Variants in MYOF observed in about 807,000 individuals in gnomAD.
MYOF encodes the protein myoferlin.
Under a neutral mutation model 284.2 loss-of-function variants are expected in MYOF, and 244 were observed. The observed-to-expected ratio is 0.86, with a 90% confidence interval of 0.77 to 0.95. MYOF has a LOEUF of 0.95. MYOF is among the 40% of genes least tolerant of loss of function. The pLI is 0.00. For missense variants in MYOF, 2,496 were observed against 2,560.6 expected, an observed-to-expected ratio of 0.97 and a Z score of 0.54; for synonymous variants, 904 against 919.7, an observed-to-expected ratio of 0.98 and a Z score of 0.31.
At chr10:93,352,331 T>A (rs1282568182) in intron 32 of MYOF, among the ~76,000 whole-genome samples, 1 of 152,238 alleles carries the variant, frequency 6.6e-6, no homozygotes, top group Non-Finnish European at 1.5e-5. Flanking sequence ...ACAGAGCCTG[T>A]CCTATAGGAA....
chr10:93,382,505 A>G (rs1846172935), intron 19 of MYOF, among the ~76,000 whole-genome samples: 1 of 152,220 alleles, frequency 6.6e-6, no homozygotes, highest in Admixed American at 6.5e-5. Flanking sequence ...GGGAAATTAA[A>G]CCTTCCTTTT....
chr10:93,355,663 C>G lies in MYOF; in HGVS notation c.3368G>C (p.Gly1123Ala). The G allele has an allele frequency of 6.2e-7, 1 of 1,612,354 alleles. No homozygotes were observed. Among genetic ancestry groups the G allele is most frequent in the Non-Finnish European group, 8.5e-7 (1 of 1,178,820 alleles). Residue 1123 changes from glycine to alanine, a missense_variant, in exon 31 of 54, where the codon GGA becomes GCA. Transcript: ENST00000359263. ...GCAGGAAACAATGGGGGTGTTTGCTCCGAACACAGTGGTGGCACTGTGCTT... is the reference window on the plus strand; with the variant it reads ...GCAGGAAACAATGGGGGTGTTTGCTGCGAACACAGTGGTGGCACTGTGCTT... ...KQKHSATTVF[G>A]ANTPIVSCNF... is the part of the protein sequence containing the mutation.
At chr10:93,416,404 A>T (rs1040622361) in intron 5 of MYOF, among the ~76,000 whole-genome samples, 3 of 151,836 alleles carry the variant, frequency 2.0e-5, no homozygotes, top group African/African-American at 7.3e-5. Context: ...GGCGCCTGTA[A>T]TCCCAGCTAC....
In MYOF at chr10:93,335,979, T is replaced by C. The variant is rs1843586045; in HGVS notation, c.4505A>G (p.Lys1502Arg). Residue 1502 changes from lysine to arginine, a missense_variant, in exon 41 of 54, where the codon AAG becomes AGG. Physicochemically the swap from Lys to Arg is conservative, Grantham distance 26 (BLOSUM62 2). Coordinates refer to ENST00000359263, the MANE Select transcript of MYOF (RefSeq NM_013451.4). ...TTCATCCGACTTGCCTCGGTACAACTTGAACGTATCTGAGAAGTCTGTCAG... is the reference window on the plus strand; with the variant it reads ...TTCATCCGACTTGCCTCGGTACAACCTGAACGTATCTGAGAAGTCTGTCAG... The part of the protein sequence containing the change: ...EGLTDFSDTF[K>R]LYRGKSDENE... The C allele has an allele frequency of 6.2e-7, 1 of 1,614,072 alleles. No homozygotes were observed. The highest frequency in any genetic ancestry group is 8.5e-7 in the Non-Finnish European group (1 of 1,180,032).
At chr10:93,319,830 A>T in intron 49 of MYOF, 42 bp downstream of exon 49, 1 of 1,612,826 alleles carries the variant, frequency 6.2e-7, no homozygotes, top group Non-Finnish European at 8.5e-7. Flanking sequence ...GTTAAGGAAG[A>T]TCCATGATAC....
chr10:93,333,669 AC>A (rs1843452021), intron 42 of MYOF, 88 bp downstream of exon 42: 1 of 1,505,992 alleles, frequency 6.6e-7, no homozygotes. Flanking sequence ...GAGATAACAG[AC>A]GCCCAGAAAG....
At chr10:93,385,077 T>C (rs996434566) in intron 19 of MYOF, among the ~76,000 whole-genome samples, 5 of 152,162 alleles carry the variant, frequency 3.3e-5, no homozygotes, top group Non-Finnish European at 5.9e-5. Flanking sequence ...GGAGAGAGAA[T>C]GCAAGTGCAT....
At chr10:93,313,900 C>CA (rs1205552378) in intron 50 of MYOF, among the ~76,000 whole-genome samples, 45 of 151,228 alleles carry the variant, frequency 3.0e-4, no homozygotes, top group Admixed American at 7.3e-4. Context: ...GATTCTGTCT[C>CA]AAAAAAAACA....
intron 1 of MYOF, among the ~76,000 whole-genome samples, chr10:93,471,433 A>G (rs1183663391): frequency 6.6e-6 from 1 of 151,990 alleles, no homozygotes; most frequent in Non-Finnish European, 1.5e-5. Flanking sequence ...GGAACTGTTT[A>G]TGTGAGTTGG....
chr10:93,307,197 C>T lies in MYOF; in HGVS notation c.6148-196G>A, dbSNP rs955159664. Among the ~76,000 whole-genome samples the T allele has an allele frequency of 2.1e-3, 109 of 51,744 alleles. 1 individual carries two copies. The highest frequency in any genetic ancestry group is 6.2e-3 in the African/African-American group (105 of 16,918). 33.9% of individuals were successfully genotyped at this position (51,744 alleles called of 152,430 possible). A position where few individuals can be genotyped will look rare whatever the true frequency, so the allele number is the denominator to read the frequency against. ...ACCGAGTGCCAGTAGCACCCCCCCG[C>T]CAAGTTGTTGCAACCAAAATGTCTC... On this transcript the variant is annotated intron_variant, in intron 53 of 53. Coordinates refer to ENST00000359263, the MANE Select transcript of MYOF (RefSeq NM_013451.4).
At chr10:93,414,231 C>T (rs932263275) in intron 5 of MYOF, among the ~76,000 whole-genome samples, 3 of 151,996 alleles carry the variant, frequency 2.0e-5, no homozygotes, top group Admixed American at 6.6e-5. Context: ...TCTGTGTCCT[C>T]CCGTCTTCTC....
At chr10:93,363,507 A>G (rs1170250302) in intron 27 of MYOF, among the ~76,000 whole-genome samples, 4 of 152,146 alleles carry the variant, frequency 2.6e-5, no homozygotes, top group African/African-American at 9.7e-5. Flanking sequence ...CTCTACAAAA[A>G]AATAAAAAAT....
intron 1 of MYOF, among the ~76,000 whole-genome samples, chr10:93,465,470 TA>T: frequency 6.6e-6 from 1 of 152,126 alleles, no homozygotes; most frequent in East Asian, 1.9e-4. Context: ...CAGTAAGCAC[TA>T]AACAAATGAG....
chr10:93,454,533 T>C (rs946141244), intron 2 of MYOF, among the ~76,000 whole-genome samples: 4 of 152,194 alleles, frequency 2.6e-5, no homozygotes, highest in Non-Finnish European at 4.4e-5. Context: ...TGGAGTTCTG[T>C]CAGGTGCTAG....
chr10:93,394,698 G>A (rs1846903738), intron 16 of MYOF, among the ~76,000 whole-genome samples: 2 of 149,052 alleles, frequency 1.3e-5, no homozygotes, highest in South Asian at 4.3e-4. Context: ...CTGACCTCGT[G>A]ATCCACCCAC....
intron 3 of MYOF, among the ~76,000 whole-genome samples, chr10:93,431,732 A>C (rs953420782): frequency 2.0e-5 from 3 of 149,706 alleles, no homozygotes; most frequent in African/African-American, 7.4e-5. Context: ...GTGCCTATGA[A>C]ATTTCTTTCT....
At chr10:93,371,865 T>C (rs1397289541) in intron 24 of MYOF, among the ~76,000 whole-genome samples, 2 of 152,214 alleles carry the variant, frequency 1.3e-5, no homozygotes, top group Non-Finnish European at 2.9e-5. Flanking sequence ...TTTTGCTGTT[T>C]ATCCACTAAC....
chr10:93,351,107 T>C, intron 35 of MYOF, 90 bp downstream of exon 35: 1 of 1,364,030 alleles, frequency 7.3e-7, no homozygotes, highest in Middle Eastern at 2.5e-4. Context: ...CAAGAAAATA[T>C]GCAGCAGGAT....
intron 4 of MYOF, 100 bp from the exon 5 acceptor site, chr10:93,426,258 G>T: frequency 1.7e-6 from 2 of 1,190,494 alleles, no homozygotes; most frequent in Non-Finnish European, 2.4e-6. Context: ...GTCTTGGAAG[G>T]GGTAAGAGAG....
Sources: allele counts gnomAD v4.1 joint callset (sites outside exome capture counted in the v4.1 genomes callset), GRCh38; gene constraint gnomAD v4.1.1; transcripts MANE v1.5; gene names NCBI Gene and HGNC (gene_info 2026-07-23, HGNC 2026-07-21).